The following CNOT4 variants were observed in gnomAD, a reference collection of about 807,000 sequenced individuals.
The protein encoded by CNOT4 is CCR4-NOT transcription complex subunit 4, also known as CCR4-associated factor 4.
CNOT4 carries 8 observed loss-of-function variants against 73.8 expected under a neutral mutation model. The ratio of observed to expected loss-of-function variants is 0.11; its 90% CI spans 0.06 to 0.20. The LOEUF is 0.20. CNOT4 is among the 10% of genes least tolerant of loss of function. CNOT4 has a pLI of 1.00. For synonymous variants in CNOT4, 293 were observed against 321.1 expected (o/e 0.91, Z 0.94); for missense variants, 564 against 883.4 (o/e 0.64, Z 4.58).
At chr7:135,479,623 C>T (rs960108780) in intron 1 of CNOT4, among the ~76,000 whole-genome samples, 5 of 151,990 alleles carry the variant, frequency 3.3e-5, no homozygotes, top group Non-Finnish European at 7.4e-5. Context: ...AATGCCCAGG[C>T]AAGGTGGCTC....
chr7:135,363,091 C>A lies in CNOT4; in HGVS notation c.1936G>T (p.Gly646Cys). The A allele has an allele frequency of 1.2e-6, 2 of 1,613,912 alleles. No individual in the cohort carries two copies. The change falls in exon 12 of 12, where the codon GGC (glycine) becomes TGC (cysteine). Residue 646 changes from glycine to cysteine, a missense_variant. This residue lies in a region of CNOT4 where 88 missense variants were observed against 94.7 expected (regional missense o/e 0.93). Coordinates refer to ENST00000541284, the MANE Select transcript of CNOT4 (RefSeq NM_001190850.2). The surrounding 1 kb of genome is among the most constrained non-coding windows in gnomAD (Gnocchi z 4.3). The part of the protein sequence containing the change: ...KSLQALTEMD[G>C]PSAAPSQTHH... ...GTCTGTGATGGAGCAGCGCTGGGGC[C>A]GTCCATCTCTGTGAGGGCCTGAAGG...
intron 6 of CNOT4, among the ~76,000 whole-genome samples, chr7:135,412,285 G>A (rs1797628674): frequency 6.6e-6 from 1 of 151,844 alleles, no homozygotes; most frequent in Non-Finnish European, 1.5e-5. Context: ...CCAAAGGACA[G>A]CCCATACATT....
At chr7:135,380,258 A>C (rs190465157) in intron 10 of CNOT4, among the ~76,000 whole-genome samples, 2 of 152,168 alleles carry the variant, frequency 1.3e-5, no homozygotes, top group African/African-American at 4.8e-5. Flanking sequence ...TGCCATTACT[A>C]TAAGTTTTTT....
intron 7 of CNOT4, among the ~76,000 whole-genome samples, chr7:135,402,941 C>A (rs910308123): frequency 1.3e-5 from 2 of 151,896 alleles, no homozygotes; most frequent in African/African-American, 2.4e-5. Flanking sequence ...CAACATAAAC[C>A]AATTACATAG....
chr7:135,405,287 G>A (rs112018642), intron 7 of CNOT4, among the ~76,000 whole-genome samples: 5,332 of 152,106 alleles, frequency 0.035, 321 homozygotes, highest in African/African-American at 0.12. Flanking sequence ...ATCTAAAGCC[G>A]AACATCTCCA....
At chr7:135,400,577 G>A (rs1796954662) in intron 7 of CNOT4, among the ~76,000 whole-genome samples, 1 of 152,032 alleles carries the variant, frequency 6.6e-6, no homozygotes, top group Non-Finnish European at 1.5e-5. Context: ...CTAATGGCCA[G>A]GGCAACATAT....
At chr7:135,476,924 CAAAT>C (rs1257856612) in intron 1 of CNOT4, among the ~76,000 whole-genome samples, 1 of 151,952 alleles carries the variant, frequency 6.6e-6, no homozygotes, top group East Asian at 1.9e-4. Flanking sequence ...CAAAAACAAA[CAAAT>C]AAACAAAAAG....
intron 1 of CNOT4, among the ~76,000 whole-genome samples, chr7:135,478,447 A>G (rs553931102): frequency 5.1e-4 from 78 of 152,304 alleles, no homozygotes; most frequent in Admixed American, 1.2e-3. Context: ...TTTAAATGAT[A>G]TTATAAGAAT....
intron 8 of CNOT4, among the ~76,000 whole-genome samples, chr7:135,396,548 T>TA (rs1477245695): frequency 6.6e-6 from 1 of 152,180 alleles, no homozygotes; most frequent in Non-Finnish European, 1.5e-5. Context: ...TTATTAGAAA[T>TA]ACATGGATTG....
intron 1 of CNOT4, among the ~76,000 whole-genome samples, chr7:135,458,280 C>A: frequency 6.6e-6 from 1 of 152,008 alleles, no homozygotes; most frequent in East Asian, 1.9e-4. Flanking sequence ...ATGTATACAC[C>A]TTAATTTAAA....
intron 6 of CNOT4, among the ~76,000 whole-genome samples, chr7:135,410,941 T>A (rs1046650372): frequency 1.3e-5 from 2 of 151,912 alleles, no homozygotes; most frequent in South Asian, 4.1e-4. Flanking sequence ...CAGAAAAGCA[T>A]ATTAAGGGAA....
intron 2 of CNOT4, among the ~76,000 whole-genome samples, chr7:135,435,045 T>C (rs560845703): frequency 6.6e-6 from 1 of 152,338 alleles, no homozygotes; most frequent in East Asian, 1.9e-4. Flanking sequence ...GAAAATAAAT[T>C]TCTCAGTTTA....
chr7:135,388,324 A>G, intron 10 of CNOT4: 2 of 985,124 alleles, frequency 2.0e-6, no homozygotes, highest in Non-Finnish European at 2.4e-6. Flanking sequence ...TGACACCACC[A>G]ATTTTGTTTT....
intron 10 of CNOT4, among the ~76,000 whole-genome samples, chr7:135,365,885 A>G (rs1287886345): frequency 6.6e-6 from 1 of 152,228 alleles, no homozygotes; most frequent in East Asian, 1.9e-4. Flanking sequence ...CACAAACAAG[A>G]TCATAAATAT....
chr7:135,397,194 A>T (rs1216273986), intron 8 of CNOT4, among the ~76,000 whole-genome samples: 1 of 152,180 alleles, frequency 6.6e-6, no homozygotes, highest in African/African-American at 2.4e-5. Flanking sequence ...ATTAGTTCAC[A>T]GAGAAAAAAA....
At chr7:135,467,852 T>C (rs931869177) in intron 1 of CNOT4, among the ~76,000 whole-genome samples, 4 of 152,330 alleles carry the variant, frequency 2.6e-5, no homozygotes, top group African/African-American at 9.6e-5. Context: ...GCACACTTTT[T>C]AATTTAAGCA....
chr7:135,432,451 A>G (rs1798904014), intron 2 of CNOT4, among the ~76,000 whole-genome samples: 1 of 152,186 alleles, frequency 6.6e-6, no homozygotes, highest in Non-Finnish European at 1.5e-5. Context: ...CAACCATCAA[A>G]TCTCTTCAAA....
At position 135,502,708 on chromosome 7, in the gene CNOT4, G is replaced by T. The variant is rs112511377; in HGVS notation, c.-93+7181C>A. Reference sequence around the variant, plus strand: ...GCGGGCGCCTGTAATCCCAGCTACTGAGGAGGCTGAGGCAGGAGAGTTGCT... The same window carrying T: ...GCGGGCGCCTGTAATCCCAGCTACTTAGGAGGCTGAGGCAGGAGAGTTGCT... On this transcript the variant is annotated intron_variant, in intron 1 of 11. Transcript: ENST00000541284. Among the ~76,000 whole-genome samples the T allele has an allele frequency of 2.7e-5, 4 of 150,182 alleles. 1 individual carries two copies. Among genetic ancestry groups the T allele is most frequent in the African/African-American group, 9.8e-5 (4 of 40,816 alleles).
chr7:135,391,103 G>A lies in CNOT4; in HGVS notation c.1627+2815C>T, dbSNP rs924709686. ...CAACAGGTGCAAGTGAGTTACCTAG[G>A]TATTAAATTGCTTCAAATTAGACAT... On this transcript the variant is annotated intron_variant, in intron 10 of 11. Coordinates refer to ENST00000541284, the MANE Select transcript of CNOT4 (RefSeq NM_001190850.2). Among the ~76,000 whole-genome samples, 4 of 152,224 alleles carry A rather than the reference G, an allele frequency of 2.6e-5. No individual in the cohort carries two copies. In the East Asian group the frequency reaches 7.7e-4, roughly 29 times the overall value.
Sources: allele counts gnomAD v4.1 joint callset (sites outside exome capture counted in the v4.1 genomes callset), GRCh38; gene constraint gnomAD v4.1.1; regional missense constraint gnomAD v4.1.1; non-coding constraint Gnocchi (gnomAD v3.1); transcripts MANE v1.5; gene names NCBI Gene and HGNC (gene_info 2026-07-23, HGNC 2026-07-21).